Variants in NFYA observed in about 807,000 individuals in gnomAD.
NFYA encodes the protein nuclear transcription factor Y subunit alpha, also known as CAAT-box DNA binding protein subunit A.
Under a neutral mutation model 52.8 loss-of-function variants are expected in NFYA, and 28 were observed. The observed-to-expected ratio is 0.53, with a 90% CI of 0.39 to 0.73. The LOEUF is 0.73. Among genes scored for constraint, NFYA ranks in the 30% least tolerant of loss-of-function variants. The probability of loss-of-function intolerance (pLI) is 0.00; values close to 1 mark genes in which losing one functional copy is unlikely to be tolerated. For synonymous variants in NFYA, 150 were observed against 150.7 expected, an observed-to-expected ratio of 1.00 and a Z score of 0.03; for missense variants, 234 against 427.0, an observed-to-expected ratio of 0.55 and a Z score of 3.98.
chr6:41,086,040 G>A (rs1463078126), intron 4 of NFYA, among the ~76,000 whole-genome samples: 1 of 152,124 alleles, frequency 6.6e-6, no homozygotes, highest in African/African-American at 2.4e-5. Flanking sequence ...AATATATGAG[G>A]CTTTAAATAT....
At chr6:41,078,015 C>T (rs1462573721) in intron 1 of NFYA, among the ~76,000 whole-genome samples, 1 of 151,932 alleles carries the variant, frequency 6.6e-6, no homozygotes, top group Non-Finnish European at 1.5e-5. Context: ...AATTCTTATT[C>T]TAGAAATAAG....
At chr6:41,088,423 CAAA>C (rs34590854) in intron 4 of NFYA, among the ~76,000 whole-genome samples, 12 of 64,712 alleles carry the variant, frequency 1.9e-4, no homozygotes, top group African/African-American at 4.4e-4. Context: ...ACTCCGTCTC[CAAA>C]AAAAAAAAAA....
Position 41,091,524 on chromosome 6 carries a change from A to G in NFYA, c.548-4A>G. On this transcript the variant is annotated splice_polypyrimidine_tract_variant and splice_region_variant and intron_variant, in intron 6 of 9. Transcript: ENST00000341376. ...TGTTTGTTTTATGTTTTGTTTTCTT[A>G]AAGTTACAGTCCCTGTTTCAGGCAT... The G allele has an allele frequency of 3.1e-6, 5 of 1,612,428 alleles. No individual in the cohort carries two copies. Among genetic ancestry groups the G allele is most frequent in the Non-Finnish European group, 4.2e-6 (5 of 1,179,464 alleles).
intron 1 of NFYA, among the ~76,000 whole-genome samples, chr6:41,078,480 CTT>C (rs3830787): frequency 0.3 from 45,936 of 151,890 alleles, 7,761 homozygotes; most frequent in African/African-American, 0.45. Flanking sequence ...CGATTGCTAA[CTT>C]ATATCATTTT....
Position 41,097,798 on chromosome 6 carries a change from T to A in NFYA, c.*388T>A, listed in dbSNP as rs1301402791. 1 of 181,554 alleles carries A rather than the reference T, an allele frequency of 5.5e-6. No homozygotes were observed. Among genetic ancestry groups the A allele is most frequent in the Admixed American group, 5.6e-5 (1 of 17,890 alleles). The allele number at this position is 181,554 out of a possible 1,614,324, so 11.2% of individuals were successfully genotyped here. A position where few individuals can be genotyped will look rare whatever the true frequency, so the allele number is the denominator to read the frequency against. On this transcript the variant is annotated 3_prime_UTR_variant, in exon 10 of 10. Coordinates refer to ENST00000341376, the MANE Select transcript of NFYA (RefSeq NM_002505.5). ...TGCAATCAGGAAAGCAGCAGCCCAC[T>A]CCTTCCCATGGAATCTAGACAGCAT...
chr6:41,100,815 G>A lies in NFYA; in HGVS notation c.*3405G>A, dbSNP rs1764478488. 6.6e-6 allele frequency among the ~76,000 whole-genome samples: 1 copy of A among 152,300 alleles called. No individual in the cohort carries two copies. The highest frequency in any genetic ancestry group is 1.9e-4 in the East Asian group (1 of 5,172). The stretch of plus-strand genomic sequence containing the variant: ...CTTTGCTCCTTTGAAAGCGCAGACC[G>A]CCGCACCTCCAGCCCCTTCTCCCCG... On this transcript the variant is annotated 3_prime_UTR_variant, in exon 10 of 10. Coordinates refer to ENST00000341376, the MANE Select transcript of NFYA (RefSeq NM_002505.5).
At chr6:41,093,693 A>ACT (rs772653842) in intron 8 of NFYA, among the ~76,000 whole-genome samples, 10 of 152,004 alleles carry the variant, frequency 6.6e-5, no homozygotes, top group African/African-American at 2.4e-4. Flanking sequence ...CTGGTCTCGA[A>ACT]CTCCTGACCT....
rs1486660563 is a variant in NFYA at position 41,099,548 on chromosome 6, C to T, written c.*2138C>T. 1 of 152,194 alleles carries T rather than the reference C, an allele frequency of 6.6e-6. No individual in the cohort carries two copies. Among genetic ancestry groups the T allele is most frequent in the Non-Finnish European group, 1.5e-5 (1 of 68,050 alleles). 9.4% of individuals were successfully genotyped at this position (152,194 alleles called of 1,614,324 possible). A position where few individuals can be genotyped will look rare whatever the true frequency, so the allele number is the denominator to read the frequency against. On this transcript the variant is annotated 3_prime_UTR_variant, in exon 10 of 10. Coordinates refer to ENST00000341376, the MANE Select transcript of NFYA (RefSeq NM_002505.5). The stretch of plus-strand genomic sequence containing the variant: ...TTTTCTTGTGGTCACTTTGGCACAC[C>T]ATAGTAGCCCACAAAGTGGGGGCAG...
chr6:41,073,506 G>A (rs1035261102), intron 1 of NFYA, among the ~76,000 whole-genome samples: 1 of 151,954 alleles, frequency 6.6e-6, no homozygotes, highest in Non-Finnish European at 1.5e-5. Flanking sequence ...ACTTAAACCT[G>A]CCCTTGCACT....
Position 41,089,700 on chromosome 6 carries a change from G to A in NFYA, c.431G>A (p.Gly144Asp), listed in dbSNP as rs1764150358. ...IQQPQTAVTA[G>D]QTQTQQQIAV... Reference sequence around the variant, plus strand: ...CAGCCCCAGACGGCTGTCACTGCTGGCCAGACTCAGGTAATTCCACTAGCT... The same window carrying A: ...CAGCCCCAGACGGCTGTCACTGCTGACCAGACTCAGGTAATTCCACTAGCT... The change falls in exon 5 of 10, where the codon GGC becomes GAC. Residue 144 changes from glycine (G) to aspartate (D), a missense_variant. Physicochemically the swap from Gly to Asp is moderately conservative, Grantham distance 94 (BLOSUM62 -1). Coordinates refer to ENST00000341376, the MANE Select transcript of NFYA (RefSeq NM_002505.5). 6.2e-7 allele frequency: 1 copy of A among 1,612,108 alleles called. No individual in the cohort carries two copies. The highest frequency in any genetic ancestry group is 8.5e-7 in the Non-Finnish European group (1 of 1,179,714).
Position 41,091,543 on chromosome 6 carries a change from C to T in NFYA, c.563C>T (p.Ser188Leu), listed in dbSNP as rs1438003370. Residue 188 changes from serine (S) to leucine (L), a missense_variant, in exon 7 of 10, where the codon TCA becomes TTA. By Grantham distance (145) the Ser-to-Leu change is moderately radical. Transcript: ENST00000341376. ...TILQQVTVPV[S>L]GMITIPAASL... is the part of the protein sequence containing the mutation. ...TTTCTTAAAGTTACAGTCCCTGTTT[C>T]AGGCATGATCACTATCCCAGCAGCC... 1 of 1,613,512 alleles carries T rather than the reference C, an allele frequency of 6.2e-7. No individual in the cohort carries two copies.
At chr6:41,073,982 T>TA (rs1258419953) in intron 1 of NFYA, among the ~76,000 whole-genome samples, 2 of 152,242 alleles carry the variant, frequency 1.3e-5, no homozygotes, top group Admixed American at 1.3e-4. Context: ...ACCTCACTCT[T>TA]AGAAGATTGA....
At chr6:41,081,172 A>G (rs933132443) in intron 3 of NFYA, among the ~76,000 whole-genome samples, 3 of 152,318 alleles carry the variant, frequency 2.0e-5, no homozygotes, top group South Asian at 2.1e-4. Context: ...ACAGGAAGAA[A>G]TTCTTATAAG....
At chr6:41,077,441 T>C (rs1763770520) in intron 1 of NFYA, among the ~76,000 whole-genome samples, 1 of 152,240 alleles carries the variant, frequency 6.6e-6, no homozygotes, top group African/African-American at 2.4e-5. Context: ...ATCCATTTTC[T>C]GTCTCTAGAT....
rs1421138386 is a variant in NFYA at position 41,101,478 on chromosome 6, C to G, written c.*4068C>G. On this transcript the variant is annotated 3_prime_UTR_variant, in exon 10 of 10. Transcript: ENST00000341376. ...CCCCGGGCTTTGAACCCGTTTTTCCCAACCCCGAGCATTTTCTATTAAGCG... is the reference window on the plus strand; with the variant it reads ...CCCCGGGCTTTGAACCCGTTTTTCCGAACCCCGAGCATTTTCTATTAAGCG... Among the ~76,000 whole-genome samples, 3 of 152,172 alleles carry G rather than the reference C, an allele frequency of 2.0e-5. No homozygotes were observed. Among genetic ancestry groups the G allele is most frequent in the African/African-American group, 7.2e-5 (3 of 41,448 alleles).
intron 6 of NFYA, among the ~76,000 whole-genome samples, chr6:41,091,159 A>G (rs1764188885): frequency 6.6e-6 from 1 of 152,252 alleles, no homozygotes; most frequent in Admixed American, 6.5e-5. Flanking sequence ...TGAGATAAAC[A>G]AAGTATAAGT....
chr6:41,095,729 C>G (rs1764335018), intron 9 of NFYA, among the ~76,000 whole-genome samples: 1 of 152,280 alleles, frequency 6.6e-6, no homozygotes, highest in East Asian at 1.9e-4. Context: ...TTGCACTTGG[C>G]CCTTTTCTTT....
chr6:41,090,129 T>G (rs770928703), intron 5 of NFYA, 75 bp from the exon 6 acceptor site: 3 of 1,016,798 alleles, frequency 3.0e-6, no homozygotes. Flanking sequence ...AATAATTTTT[T>G]TTTTTAAGGA....
intron 2 of NFYA, among the ~76,000 whole-genome samples, chr6:41,080,084 T>G (rs1763865289): frequency 6.6e-6 from 1 of 152,162 alleles, no homozygotes; most frequent in Non-Finnish European, 1.5e-5. Context: ...AATTTGCCAT[T>G]AGTGGATGTA....
Sources: gnomAD v4.1 joint callset for allele counts (sites outside exome capture counted in the v4.1 genomes callset) on GRCh38, gnomAD v4.1.1 for gene constraint, MANE v1.5 for transcripts, NCBI Gene and HGNC (gene_info 2026-07-23, HGNC 2026-07-21) for gene names.